The following CWC27 variants were observed in gnomAD, a reference collection of about 807,000 sequenced individuals.
CWC27 encodes the protein spliceosome-associated protein CWC27 homolog.
A neutral mutation model predicts 63.6 loss-of-function variants in CWC27; 47 were observed. That is an observed-to-expected ratio of 0.74 (90% CI 0.58 to 0.94). The LOEUF (loss-of-function observed/expected upper bound fraction) is 0.94, where lower values mean the gene tolerates loss of function less well. Ranked by LOEUF, CWC27 falls within the 40% of genes least tolerant of loss-of-function variation. The pLI, the probability that CWC27 is intolerant of heterozygous loss-of-function variation, is 0.00. For missense variants in CWC27, 495 were observed against 554.3 expected (o/e 0.89, Z 1.07); for synonymous variants, 175 against 179.8 (o/e 0.97, Z 0.22).
chr5:64,769,384 A>G (rs1013201609), intron 1 of CWC27, among the ~76,000 whole-genome samples, 196 bp downstream of exon 1: 3 of 152,200 alleles, frequency 2.0e-5, no homozygotes, highest in African/African-American at 7.2e-5. Flanking sequence ...GAAGAAGTCA[A>G]GTGGAGATTT....
rs184445336 is a variant in CWC27 at position 64,781,876 on chromosome 5, T to C, written c.140-45T>C. On this transcript the variant is annotated intron_variant, in intron 2 of 13. Coordinates refer to ENST00000381070, the MANE Select transcript of CWC27 (RefSeq NM_005869.4). Reference sequence around the variant, plus strand: ...GTATTAATTTTGGTAACTGTAGAGATGATTAATTTTAGACATTGATAAATT... The same window carrying C: ...GTATTAATTTTGGTAACTGTAGAGACGATTAATTTTAGACATTGATAAATT... 972 of 1,021,054 alleles carry C rather than the reference T, an allele frequency of 9.5e-4. 4 individuals carry two copies. Among genetic ancestry groups the C allele is most frequent in the East Asian group, 8.8e-3 (342 of 38,740 alleles). 63.2% of individuals were successfully genotyped at this position (1,021,054 alleles called of 1,614,324 possible).
intron 11 of CWC27, among the ~76,000 whole-genome samples, chr5:64,914,907 A>G (rs1336523048): frequency 1.5e-4 from 23 of 152,204 alleles, no homozygotes; most frequent in Non-Finnish European, 7.4e-5. Flanking sequence ...GATACTATAT[A>G]CAAGTGAAAA....
chr5:64,788,508 C>T (rs1016532891), intron 6 of CWC27, among the ~76,000 whole-genome samples: 11 of 151,710 alleles, frequency 7.3e-5, no homozygotes, highest in African/African-American at 2.7e-4. Flanking sequence ...ATTTTGTATA[C>T]ATATTAATTT....
At chr5:64,822,243 G>T (rs1024515164) in intron 10 of CWC27, among the ~76,000 whole-genome samples, 2 of 152,174 alleles carry the variant, frequency 1.3e-5, no homozygotes, top group African/African-American at 4.8e-5. Flanking sequence ...CTGTTTGATA[G>T]GTAATTTGCA....
chr5:64,945,823 A>G (rs962157588), intron 11 of CWC27, among the ~76,000 whole-genome samples: 7 of 152,186 alleles, frequency 4.6e-5, no homozygotes, highest in Non-Finnish European at 8.8e-5. Flanking sequence ...ACCTACCTTC[A>G]GAAAAGTGAT....
chr5:64,836,979 A>G (rs190345394), intron 10 of CWC27, among the ~76,000 whole-genome samples: 181 of 152,210 alleles, frequency 1.2e-3, no homozygotes, highest in Middle Eastern at 3.4e-3. Context: ...AAGATTTTCC[A>G]TACACCAGGA....
chr5:64,785,635 G>A (rs762172118), intron 5 of CWC27, 56 bp downstream of exon 5: 3 of 1,095,498 alleles, frequency 2.7e-6, no homozygotes, highest in South Asian at 1.3e-5. Context: ...AAGAGGAATT[G>A]ATTCTTAGTA....
At chr5:64,773,983 A>T (rs1456311757) in intron 1 of CWC27, 1 of 152,210 alleles carries the variant, frequency 6.6e-6, no homozygotes. Flanking sequence ...GCATGATGTT[A>T]AATGAGCAGA....
chr5:64,841,672 G>GTGTTTT (rs1745846273), intron 10 of CWC27, among the ~76,000 whole-genome samples: 1 of 151,828 alleles, frequency 6.6e-6, no homozygotes, highest in Admixed American at 6.6e-5. Flanking sequence ...TCTTTGTTTT[G>GTGTTTT]TGTTTTTGTT....
At chr5:64,982,581 A>G (rs1469624524) in intron 13 of CWC27, among the ~76,000 whole-genome samples, 2 of 151,956 alleles carry the variant, frequency 1.3e-5, no homozygotes, top group Non-Finnish European at 2.9e-5. Context: ...CGGCCTCCCA[A>G]AGTGTTGGGA....
At chr5:64,954,562 G>A (rs1175399798) in intron 11 of CWC27, among the ~76,000 whole-genome samples, 1 of 147,300 alleles carries the variant, frequency 6.8e-6, no homozygotes, top group African/African-American at 2.7e-5. Context: ...TGGGATTACA[G>A]GAATGAGCCA....
intron 11 of CWC27, among the ~76,000 whole-genome samples, chr5:64,897,176 G>T (rs1031609629): frequency 6.6e-6 from 1 of 152,096 alleles, no homozygotes; most frequent in African/African-American, 2.4e-5. Context: ...TCCAGCCTAG[G>T]TGACAGAGTG....
intron 11 of CWC27, among the ~76,000 whole-genome samples, chr5:64,957,576 C>T (rs1298035734): frequency 6.6e-6 from 1 of 152,132 alleles, no homozygotes; most frequent in Non-Finnish European, 1.5e-5. Flanking sequence ...AGCACATATG[C>T]CCCTCAACAA....
intron 10 of CWC27, among the ~76,000 whole-genome samples, chr5:64,882,924 G>A (rs541422891): frequency 6.6e-6 from 1 of 152,158 alleles, no homozygotes; most frequent in Non-Finnish European, 1.5e-5. Context: ...TGTCTACTAG[G>A]AAACTTAAAA....
intron 10 of CWC27, among the ~76,000 whole-genome samples, chr5:64,831,100 T>TACTTCAGAC (rs1745504323): frequency 6.6e-6 from 1 of 152,092 alleles, no homozygotes. Context: ...TGATTTTGTG[T>TACTTCAGAC]ACTTCAGACA....
chr5:64,871,484 T>C (rs1019582473), intron 10 of CWC27, among the ~76,000 whole-genome samples: 6 of 152,038 alleles, frequency 3.9e-5, no homozygotes, highest in African/African-American at 1.4e-4. Flanking sequence ...TTAAAGATTA[T>C]ATTATACATT....
chr5:64,831,157 T>A (rs1002768277), intron 10 of CWC27, among the ~76,000 whole-genome samples: 2 of 152,056 alleles, frequency 1.3e-5, no homozygotes, highest in African/African-American at 4.8e-5. Context: ...CCTGTGATAG[T>A]TTTCTAGCTT....
At chr5:64,963,194 TCAGA>T (rs1178821575) in intron 11 of CWC27, among the ~76,000 whole-genome samples, 3 of 152,028 alleles carry the variant, frequency 2.0e-5, no homozygotes, top group Non-Finnish European at 2.9e-5. Flanking sequence ...ACTCCTGAGC[TCAGA>T]CAATCAGCCC....
chr5:65,003,643 A>G (rs1749773313), intron 13 of CWC27, among the ~76,000 whole-genome samples: 1 of 152,122 alleles, frequency 6.6e-6, no homozygotes. Context: ...TTTCTTCTTC[A>G]TTTTTGAAAT....
Sources: allele counts gnomAD v4.1 joint callset (sites outside exome capture counted in the v4.1 genomes callset), GRCh38; gene constraint gnomAD v4.1.1; transcripts MANE v1.5; gene names NCBI Gene and HGNC (gene_info 2026-07-23, HGNC 2026-07-21).